CDH18: variants seen among roughly 807,000 people sequenced by gnomAD.
CDH18 encodes the protein cadherin 18.
A neutral mutation model predicts 67.9 loss-of-function variants in CDH18; 31 were observed. The ratio of observed to expected loss-of-function variants is 0.46; its 90% CI spans 0.34 to 0.62. The LOEUF is 0.62. CDH18 is among the 20% of genes least tolerant of loss of function. CDH18 has a pLI of 0.01. For synonymous variants in CDH18, 362 were observed against 347.2 expected, an observed-to-expected ratio of 1.04 and a Z score of -0.48; for missense variants, 890 against 975.5, an observed-to-expected ratio of 0.91 and a Z score of 1.17.
intron 3 of CDH18, among the ~76,000 whole-genome samples, chr5:19,760,391 C>T (rs1437671577): frequency 1.3e-5 from 2 of 152,160 alleles, no homozygotes; most frequent in Admixed American, 1.3e-4. Flanking sequence ...CCCGATTTCC[C>T]TAGCCCTTTG....
At chr5:19,954,875 A>C (rs1164388375) in intron 2 of CDH18, among the ~76,000 whole-genome samples, 1 of 151,514 alleles carries the variant, frequency 6.6e-6, no homozygotes, top group Admixed American at 6.6e-5. Flanking sequence ...AGTTATTGGG[A>C]CTGAAGATAC....
intron 2 of CDH18, among the ~76,000 whole-genome samples, chr5:20,060,134 T>C (rs1397969435): frequency 6.6e-6 from 1 of 152,046 alleles, no homozygotes; most frequent in Admixed American, 6.6e-5. Flanking sequence ...TAAAAAAAAC[T>C]TATTAGAACT....
Position 20,543,597 on chromosome 5 carries a change from T to C in CDH18, c.-580+31865A>G, listed in dbSNP as rs573704107. Reference sequence around the variant, plus strand: ...GCTTTTAAATAGAATAGAAGTTGTATAAAGCTGCCTGGAGATGTAGGATTA... The same window carrying C: ...GCTTTTAAATAGAATAGAAGTTGTACAAAGCTGCCTGGAGATGTAGGATTA... On this transcript the variant is annotated intron_variant, in intron 1 of 14. Transcript: ENST00000507958. Among the ~76,000 whole-genome samples the C allele has an allele frequency of 1.3e-4, 20 of 152,238 alleles. 2 individuals are homozygous for C. Among genetic ancestry groups the C allele is most frequent in the African/African-American group, 4.3e-4 (18 of 41,560 alleles).
chr5:19,988,972 T>TAC (rs1799817245), upstream of CDH18, among the ~76,000 whole-genome samples: 1 of 152,142 alleles, frequency 6.6e-6, no homozygotes, highest in Non-Finnish European at 1.5e-5. Context: ...CCAGGAAACC[T>TAC]ACACACACAC....
intron 3 of CDH18, among the ~76,000 whole-genome samples, chr5:19,782,120 G>A (rs1775185019): frequency 2.6e-5 from 4 of 152,108 alleles, no homozygotes; most frequent in African/African-American, 4.8e-5. Flanking sequence ...TACTGCCAGA[G>A]ACTGGGTGAT....
At chr5:20,501,603 TA>T (rs1754326245) in intron 1 of CDH18, among the ~76,000 whole-genome samples, 1 of 88,658 alleles carries the variant, frequency 1.1e-5, no homozygotes, top group Admixed American at 1.4e-4. Flanking sequence ...ATTATATATA[TA>T]TATATATATA....
At chr5:19,553,534 A>G (rs1737831297) in intron 8 of CDH18, among the ~76,000 whole-genome samples, 1 of 150,764 alleles carries the variant, frequency 6.6e-6, no homozygotes. Flanking sequence ...TTTGTCACCC[A>G]AGCAGTTGTT....
At chr5:19,960,049 T>C (rs1326949310) in intron 2 of CDH18, among the ~76,000 whole-genome samples, 2 of 152,116 alleles carry the variant, frequency 1.3e-5, no homozygotes, top group Non-Finnish European at 2.9e-5. Flanking sequence ...GAGTGAGTGA[T>C]GAGTAAATGT....
chr5:19,896,500 T>C (rs1211596210), intron 2 of CDH18, among the ~76,000 whole-genome samples: 7 of 152,102 alleles, frequency 4.6e-5, no homozygotes, highest in African/African-American at 9.6e-5. Context: ...GAGGAAGAGA[T>C]TGGCATGCAA....
At chr5:19,484,762 C>T (rs917515366) in intron 11 of CDH18, among the ~76,000 whole-genome samples, 3 of 152,204 alleles carry the variant, frequency 2.0e-5, no homozygotes, top group Non-Finnish European at 4.4e-5. Context: ...CTCCATCTGT[C>T]ACTCTACGCT....
At chr5:20,137,324 C>A (rs551890870) in intron 2 of CDH18, among the ~76,000 whole-genome samples, 1 of 152,082 alleles carries the variant, frequency 6.6e-6, no homozygotes, top group South Asian at 2.1e-4. Context: ...CACTTCATTT[C>A]ATTCATTTGA....
intron 8 of CDH18, among the ~76,000 whole-genome samples, chr5:19,566,401 C>T (rs751936773): frequency 2.6e-5 from 4 of 152,080 alleles, no homozygotes; most frequent in Non-Finnish European, 4.4e-5. Context: ...TGTATTAGTC[C>T]GTTTTTATGC....
intron 2 of CDH18, chr5:19,848,166 T>C (rs1783212227): frequency 6.6e-6 from 1 of 152,186 alleles, no homozygotes; most frequent in South Asian, 2.1e-4. Flanking sequence ...TTTAATTTTC[T>C]CATGAGCCAT....
chr5:20,403,110 G>A (rs764955201), intron 1 of CDH18, among the ~76,000 whole-genome samples: 1 of 151,718 alleles, frequency 6.6e-6, no homozygotes, highest in Non-Finnish European at 1.5e-5. Context: ...TTGAACCCAA[G>A]AGGCAGAGGT....
At chr5:19,502,648 A>G (rs190091855) in intron 11 of CDH18, 17 of 460,758 alleles carry the variant, frequency 3.7e-5, no homozygotes, top group Non-Finnish European at 5.7e-5. Flanking sequence ...TCTAGGATAT[A>G]TTTTTCATTT....
chr5:20,243,675 T>C lies in CDH18; in HGVS notation c.-518+11769A>G, dbSNP rs1258170126. Among the ~76,000 whole-genome samples the C allele has an allele frequency of 3.3e-5, 5 of 152,228 alleles. No individual in the cohort carries two copies. The South Asian group carries it at 1.0e-3, about 32-fold the overall frequency. On this transcript the variant is annotated intron_variant, in intron 2 of 14. Coordinates refer to the CDH18 transcript ENST00000507958. Reference sequence around the variant, plus strand: ...ACCCAAAAAGCCAATTTTTTTATTATGGTCTTTTGAACTTTTATGATTATA... The same window carrying C: ...ACCCAAAAAGCCAATTTTTTTATTACGGTCTTTTGAACTTTTATGATTATA...
intron 6 of CDH18, among the ~76,000 whole-genome samples, chr5:19,604,449 T>C (rs982416839): frequency 6.6e-6 from 1 of 151,498 alleles, no homozygotes; most frequent in Non-Finnish European, 1.5e-5. Flanking sequence ...CCTGATAAAA[T>C]TAACCAGACA....
At chr5:20,379,441 C>G (rs897755995) in intron 1 of CDH18, among the ~76,000 whole-genome samples, 3 of 152,126 alleles carry the variant, frequency 2.0e-5, no homozygotes, top group African/African-American at 7.2e-5. Context: ...ACAGTCACAA[C>G]AGAATATTAC....
At chr5:20,122,825 T>C (rs1580293312) in intron 2 of CDH18, among the ~76,000 whole-genome samples, 1 of 147,950 alleles carries the variant, frequency 6.8e-6, no homozygotes, top group South Asian at 2.1e-4. Flanking sequence ...TATATATATA[T>C]ATACATATAT....
Sources: gnomAD v4.1 joint callset for allele counts (sites outside exome capture counted in the v4.1 genomes callset) on GRCh38, gnomAD v4.1.1 for gene constraint, MANE v1.5 for transcripts, NCBI Gene and HGNC (gene_info 2026-07-23, HGNC 2026-07-21) for gene names.